The following CNTN3 variants were observed in gnomAD, a reference collection of about 807,000 sequenced individuals.
CNTN3 encodes contactin 3.
Under a neutral mutation model 119.1 loss-of-function variants are expected in CNTN3, and 60 were observed. That is an observed-to-expected ratio of 0.50 (90% CI 0.41 to 0.62). The LOEUF (loss-of-function observed/expected upper bound fraction) is 0.62, where lower values mean the gene tolerates loss of function less well. Among genes scored for constraint, CNTN3 ranks in the 20% least tolerant of loss-of-function variants. The pLI, the probability that CNTN3 is intolerant of heterozygous loss-of-function variation, is 0.00. For synonymous variants in CNTN3, 450 were observed against 438.7 expected (o/e 1.03, Z -0.32); for missense variants, 1,101 against 1,242.4 (o/e 0.89, Z 1.71).
At chr3:74,562,160 A>T (rs1704162999) in intron 1 of CNTN3, among the ~76,000 whole-genome samples, 1 of 152,136 alleles carries the variant, frequency 6.6e-6, no homozygotes, top group Non-Finnish European at 1.5e-5. Flanking sequence ...TATTCCCAGC[A>T]GAAAGGATTG....
chr3:74,372,809 G>T (rs116666739), intron 5 of CNTN3, among the ~76,000 whole-genome samples: 24 of 152,192 alleles, frequency 1.6e-4, no homozygotes, highest in African/African-American at 5.5e-4. Flanking sequence ...CATGGCTGAA[G>T]AACAGGCCTT....
At chr3:74,553,591 G>C (rs943025833) in intron 1 of CNTN3, among the ~76,000 whole-genome samples, 1 of 152,162 alleles carries the variant, frequency 6.6e-6, no homozygotes, top group Admixed American at 6.5e-5. Context: ...AACCTCTCCA[G>C]CATCTGTTGT....
intron 1 of CNTN3, among the ~76,000 whole-genome samples, chr3:74,613,877 C>T (rs750824077): frequency 1.3e-5 from 2 of 152,152 alleles, no homozygotes; most frequent in Non-Finnish European, 2.9e-5. Flanking sequence ...GAACTCCGTC[C>T]CAAGCTGCTG....
At chr3:74,386,686 T>C (rs1704752372) in intron 5 of CNTN3, among the ~76,000 whole-genome samples, 1 of 152,240 alleles carries the variant, frequency 6.6e-6, no homozygotes, top group Admixed American at 6.5e-5. Context: ...TTCCTCTCTA[T>C]TCTTCAGTTT....
At position 74,401,215 on chromosome 3, in the gene CNTN3, G is replaced by T. The variant is rs11918491; in HGVS notation, c.454+23630C>A. Among the ~76,000 whole-genome samples the T allele has an allele frequency of 3.2e-3, 489 of 152,186 alleles. 1 individual carries two copies. Among genetic ancestry groups the T allele is most frequent in the African/African-American group, 0.011 (444 of 41,524 alleles). ...ATTCTAGTTCCACAGCTTAGGAAGA[G>T]CCAACTTAATTTACTCTTGAAACTC... On this transcript the variant is annotated intron_variant, in intron 5 of 22. Transcript: ENST00000263665.
chr3:74,601,288 GT>G (rs1280925554), intron 1 of CNTN3, among the ~76,000 whole-genome samples: 1 of 151,940 alleles, frequency 6.6e-6, no homozygotes, highest in African/African-American at 2.4e-5. Context: ...TTTGCCCAAG[GT>G]AAGAAACTAT....
rs148441991 is a variant in CNTN3, at chr3:74,472,423, G to C, written c.358+14033C>G. On this transcript the variant is annotated intron_variant, in intron 4 of 22. Transcript: ENST00000263665. ...GTTACCTGTCAATGGAATCGTCTCA[G>C]CTAACTATTCCCCCCAATAATGTAG... is the stretch of plus-strand genomic sequence containing the variant. Among the ~76,000 whole-genome samples, 429 of 152,288 alleles carry C rather than the reference G, an allele frequency of 2.8e-3. 2 individuals are homozygous for C. The highest frequency in any genetic ancestry group is 9.8e-3 in the African/African-American group (408 of 41,564).
chr3:74,569,510 G>A (rs942822112), intron 1 of CNTN3, among the ~76,000 whole-genome samples: 1 of 152,190 alleles, frequency 6.6e-6, no homozygotes, highest in East Asian at 1.9e-4. Flanking sequence ...TCTCTTGGGA[G>A]AGAAAGCTCA....
Position 74,550,148 on chromosome 3 carries a change from G to C in CNTN3, c.-80-28956C>G, listed in dbSNP as rs551829650. Among the ~76,000 whole-genome samples, 4 of 152,270 alleles carry C rather than the reference G, an allele frequency of 2.6e-5. No individual in the cohort carries two copies. In the East Asian group the frequency reaches 7.7e-4, roughly 29 times the overall value. On this transcript the variant is annotated intron_variant, in intron 1 of 22. Coordinates refer to ENST00000263665, the MANE Select transcript of CNTN3 (RefSeq NM_020872.3). Reference sequence around the variant, plus strand: ...TCAGACCATCTAGCTGCACATGTGGGTTCAAGTCAAAAATAAATTCCTGCA... The same window carrying C: ...TCAGACCATCTAGCTGCACATGTGGCTTCAAGTCAAAAATAAATTCCTGCA...
chr3:74,308,788 T>C (rs960877955), intron 13 of CNTN3, among the ~76,000 whole-genome samples: 1 of 152,202 alleles, frequency 6.6e-6, no homozygotes, highest in African/African-American at 2.4e-5. Flanking sequence ...CCAAATGTTC[T>C]ATTATTACTT....
intron 1 of CNTN3, among the ~76,000 whole-genome samples, chr3:74,589,071 A>G (rs1276090080): frequency 6.6e-6 from 1 of 151,088 alleles, no homozygotes; most frequent in East Asian, 2.0e-4. Flanking sequence ...CTAAAACACC[A>G]AAAGCAATGG....
intron 1 of CNTN3, among the ~76,000 whole-genome samples, chr3:74,604,494 G>A (rs1339822953): frequency 6.6e-6 from 1 of 152,020 alleles, no homozygotes; most frequent in African/African-American, 2.4e-5. Flanking sequence ...TTTTAAAATA[G>A]GCAAAGATCA....
intron 5 of CNTN3, among the ~76,000 whole-genome samples, chr3:74,388,611 T>C (rs1704816324): frequency 6.6e-6 from 1 of 152,188 alleles, no homozygotes; most frequent in South Asian, 2.1e-4. Flanking sequence ...TAATATGCAT[T>C]TCCTGATAAA....
chr3:74,481,709 A>C (rs1182225303), intron 4 of CNTN3, among the ~76,000 whole-genome samples: 5 of 151,848 alleles, frequency 3.3e-5, no homozygotes, highest in Admixed American at 1.3e-4. Flanking sequence ...AAGAACTATA[A>C]AAAATACAAC....
intron 4 of CNTN3, among the ~76,000 whole-genome samples, chr3:74,463,893 T>C (rs569980157): frequency 5.3e-5 from 8 of 152,250 alleles, no homozygotes; most frequent in South Asian, 2.1e-4. Flanking sequence ...GGAAAATAAA[T>C]GGTGGTTAGT....
In CNTN3 at chr3:74,369,984, C is replaced by A; in HGVS notation, c.666G>T (p.Met222Ile). 1 of 1,548,036 alleles carries A rather than the reference C, an allele frequency of 6.5e-7. No homozygotes were observed. Among genetic ancestry groups the A allele is most frequent in the Non-Finnish European group, 8.9e-7 (1 of 1,123,142 alleles). ...CTTCTATTTTAGGTTCATATTCACC[C>A]ATCACACCTATAAATCCACAATATA... is the stretch of plus-strand genomic sequence containing the variant. The part of the protein sequence containing the change: ...TPLVLRSDGV[M>I]GEYEPKIEVQ... The change falls in exon 7 of 23, where the codon ATG (methionine) becomes ATT (isoleucine). Residue 222 changes from methionine to isoleucine, a missense_variant. Transcript: ENST00000263665.
intron 10 of CNTN3, 131 bp downstream of exon 10, chr3:74,364,336 G>C: frequency 1.2e-6 from 1 of 801,222 alleles, no homozygotes. Context: ...GAAACTGAAT[G>C]ATCGTGTTGT....
intron 20 of CNTN3, among the ~76,000 whole-genome samples, chr3:74,277,231 GC>G (rs541307482): frequency 8.6e-5 from 13 of 151,926 alleles, no homozygotes; most frequent in Admixed American, 4.6e-4. Flanking sequence ...ACACTATTCA[GC>G]AAGATAAAGA....
At chr3:74,356,152 A>G (rs960665758) in intron 11 of CNTN3, among the ~76,000 whole-genome samples, 3 of 152,070 alleles carry the variant, frequency 2.0e-5, no homozygotes, top group African/African-American at 7.3e-5. Context: ...GTGAGGATGC[A>G]GCAACAAGGC....
Sources: allele counts gnomAD v4.1 joint callset (sites outside exome capture counted in the v4.1 genomes callset), GRCh38; gene constraint gnomAD v4.1.1; transcripts MANE v1.5; gene names NCBI Gene and HGNC (gene_info 2026-07-23, HGNC 2026-07-21).